Variants in FER observed in about 807,000 individuals in gnomAD.
FER encodes tyrosine-protein kinase Fer.
FER carries 63 observed loss-of-function variants against 111.0 expected under a neutral mutation model. The ratio of observed to expected loss-of-function variants is 0.57; its 90% confidence interval spans 0.46 to 0.70. FER has a LOEUF of 0.70. FER is among the 30% of genes least tolerant of loss of function. The pLI, the probability that FER is intolerant of heterozygous loss-of-function variation, is 0.00. For synonymous variants in FER, 327 were observed against 313.9 expected (o/e 1.04, Z -0.44); for missense variants, 914 against 954.0 (o/e 0.96, Z 0.55).
At position 108,944,108 on chromosome 5, in the gene FER, T is replaced by TACACACACAC. The variant is rs34138754; in HGVS notation, c.1237-1998_1237-1989dup. Among the ~76,000 whole-genome samples, 448 of 145,730 alleles carry TACACACACAC rather than the reference T, an allele frequency of 3.1e-3. 4 individuals carry two copies. Among genetic ancestry groups the TACACACACAC allele is most frequent in the African/African-American group, 9.9e-3 (393 of 39,514 alleles). On this transcript the variant is annotated intron_variant, in intron 10 of 19. Transcript: ENST00000281092. ...AGTCTCTTAGTTTTATGTGTATGTG[T>TACACACACAC]ACACACACACACACACACACACACA...
intron 10 of FER, among the ~76,000 whole-genome samples, chr5:108,931,684 G>T (rs1754697764): frequency 6.6e-6 from 1 of 152,066 alleles, no homozygotes; most frequent in African/African-American, 2.4e-5. Flanking sequence ...AGAAAAATTA[G>T]CTAGGCATGG....
chr5:109,186,179 T>C (rs753203100), intron 18 of FER, 21 bp from the exon 19 acceptor site: 29 of 1,614,092 alleles, frequency 1.8e-5, no homozygotes, highest in Non-Finnish European at 8.5e-7. Context: ...CATGTGGTTA[T>C]GGTTGTTGTT....
chr5:108,786,808 G>GT (rs1754776656), intron 2 of FER, among the ~76,000 whole-genome samples: 1 of 152,118 alleles, frequency 6.6e-6, no homozygotes, highest in African/African-American at 2.4e-5. Flanking sequence ...CCAAATTTTT[G>GT]TTTTTTCTTA....
chr5:109,111,609 G>C (rs1374986119), intron 17 of FER, among the ~76,000 whole-genome samples: 2 of 152,152 alleles, frequency 1.3e-5, no homozygotes, highest in African/African-American at 4.8e-5. Context: ...ATGAAGAAGA[G>C]AGGTTTAACT....
At chr5:109,159,021 A>C (rs1755711078) in intron 17 of FER, among the ~76,000 whole-genome samples, 1 of 152,172 alleles carries the variant, frequency 6.6e-6, no homozygotes, top group Non-Finnish European at 1.5e-5. Context: ...AACAAAAGGG[A>C]TATAATATAG....
At chr5:108,949,822 G>GTAAAAC (rs1055539510) in intron 11 of FER, among the ~76,000 whole-genome samples, 1 of 151,830 alleles carries the variant, frequency 6.6e-6, no homozygotes, top group African/African-American at 2.4e-5. Flanking sequence ...CATTTTATAT[G>GTAAAAC]TAAAATATAT....
intron 5 of FER, among the ~76,000 whole-genome samples, chr5:108,865,708 GA>G (rs1262662575): frequency 6.6e-6 from 1 of 152,058 alleles, no homozygotes; most frequent in Non-Finnish European, 1.5e-5. Context: ...CTAATATCCA[GA>G]ATCTACAATG....
intron 17 of FER, among the ~76,000 whole-genome samples, chr5:109,113,267 T>G (rs1355190109): frequency 2.3e-4 from 35 of 152,166 alleles, no homozygotes; most frequent in Non-Finnish European, 2.9e-5. Flanking sequence ...TCCTAGGAAC[T>G]TCTGCTTACA....
chr5:109,054,581 AC>A (rs1386561360), intron 16 of FER, among the ~76,000 whole-genome samples: 1 of 152,116 alleles, frequency 6.6e-6, no homozygotes, highest in East Asian at 1.9e-4. Flanking sequence ...CTTTTGAAAA[AC>A]ATCTTTATTT....
chr5:108,765,879 G>A (rs2149948937), intron 1 of FER, among the ~76,000 whole-genome samples: 1 of 152,032 alleles, frequency 6.6e-6, no homozygotes, highest in Non-Finnish European at 1.5e-5. Context: ...ATACCCTGGG[G>A]ATTTAATTAA....
chr5:109,098,640 A>G (rs1377870704), intron 16 of FER, among the ~76,000 whole-genome samples: 1 of 151,722 alleles, frequency 6.6e-6, no homozygotes, highest in Non-Finnish European at 1.5e-5. Context: ...TAGGCATTTT[A>G]GTACCTATTA....
Position 108,891,475 on chromosome 5 carries a change from C to G in FER, c.1047-6184C>G, listed in dbSNP as rs142183001. ...AGTGGATAACTCAATTGATTGTTCA[C>G]AGTCAGTTATAGATTGAACTCCTCG... On this transcript the variant is annotated intron_variant, in intron 9 of 19. Transcript: ENST00000281092. 3.3e-5 allele frequency: 5 copies of G among 152,028 alleles called. No individual in the cohort carries two copies. The East Asian group carries it at 9.7e-4, about 29-fold the overall frequency. 9.4% of individuals were successfully genotyped at this position (152,028 alleles called of 1,614,324 possible).
chr5:109,108,947 C>T (rs1365949371), intron 17 of FER, among the ~76,000 whole-genome samples: 4 of 152,042 alleles, frequency 2.6e-5, no homozygotes, highest in Non-Finnish European at 5.9e-5. Context: ...AAATATTGTT[C>T]ATCATTTTAT....
Position 108,970,773 on chromosome 5 carries a change from A to G in FER, c.1656+11426A>G, listed in dbSNP as rs184028010. Among the ~76,000 whole-genome samples, 8 of 152,274 alleles carry G rather than the reference A, an allele frequency of 5.3e-5. 1 individual carries two copies. In the East Asian group the frequency reaches 1.4e-3, roughly 26 times the overall value. On this transcript the variant is annotated intron_variant, in intron 13 of 19. Coordinates refer to ENST00000281092, the MANE Select transcript of FER (RefSeq NM_005246.4). ...TATTTGATAAGAGGAGAAGCTAAACATGGGAAATTTCTAGGCCTGTTTTAA... is the reference window on the plus strand; with the variant it reads ...TATTTGATAAGAGGAGAAGCTAAACGTGGGAAATTTCTAGGCCTGTTTTAA...
At chr5:108,792,446 C>T (rs1216046490) in intron 2 of FER, among the ~76,000 whole-genome samples, 3 of 152,148 alleles carry the variant, frequency 2.0e-5, no homozygotes, top group East Asian at 1.9e-4. Context: ...TTAAGTGATT[C>T]ACCTGCCTCA....
At chr5:109,047,856 A>G (rs909493021) in intron 16 of FER, among the ~76,000 whole-genome samples, 7 of 152,318 alleles carry the variant, frequency 4.6e-5, no homozygotes, top group Admixed American at 4.6e-4. Flanking sequence ...ATGTCTTGGT[A>G]TTTATTTCTG....
intron 13 of FER, among the ~76,000 whole-genome samples, chr5:109,001,163 G>T (rs974747394): frequency 6.6e-6 from 1 of 152,044 alleles, no homozygotes; most frequent in African/African-American, 2.4e-5. Context: ...ACCAAAGCCT[G>T]GCAGAGACAC....
At chr5:109,009,639 G>C (rs1211571658) in intron 13 of FER, among the ~76,000 whole-genome samples, 2 of 152,114 alleles carry the variant, frequency 1.3e-5, no homozygotes, top group East Asian at 3.9e-4. Flanking sequence ...AATTCCGTTT[G>C]TCCTTGTTGC....
intron 10 of FER, among the ~76,000 whole-genome samples, chr5:108,927,252 C>CTTTT (rs766702172): frequency 0.017 from 1,620 of 95,170 alleles, 407 homozygotes; most frequent in African/African-American, 0.086. Flanking sequence ...AGAAGTGGCT[C>CTTTT]TTTTTTTTTT....
Sources: allele counts gnomAD v4.1 joint callset (sites outside exome capture counted in the v4.1 genomes callset), GRCh38; gene constraint gnomAD v4.1.1; transcripts MANE v1.5; gene names NCBI Gene and HGNC (gene_info 2026-07-23, HGNC 2026-07-21).